EZR: variants seen among roughly 807,000 people sequenced by gnomAD.
EZR encodes ezrin.
Under a neutral mutation model 74.8 loss-of-function variants are expected in EZR, and 40 were observed. The observed-to-expected ratio is 0.53, with a 90% CI of 0.42 to 0.70. The LOEUF is 0.70. EZR is among the 30% of genes least tolerant of loss of function. The pLI is 0.00. For missense variants in EZR, 678 were observed against 755.8 expected (o/e 0.90, Z 1.21); for synonymous variants, 341 against 283.3 (o/e 1.20, Z -2.05).
At chr6:158,788,300 T>C (rs34826395) in intron 3 of EZR, 48 of 152,340 alleles carry the variant, frequency 3.2e-4, no homozygotes, top group African/African-American at 1.2e-3. Context: ...GTTTATTAAA[T>C]GCCCAGGACT....
At chr6:158,792,903 C>G (rs567320225) in intron 2 of EZR, among the ~76,000 whole-genome samples, 24 of 152,126 alleles carry the variant, frequency 1.6e-4, no homozygotes, top group African/African-American at 5.8e-4. Flanking sequence ...TGAGCACCAG[C>G]AGCTCCAACA....
intron 2 of EZR, among the ~76,000 whole-genome samples, chr6:158,793,689 G>T (rs1791801366): frequency 6.6e-6 from 1 of 152,076 alleles, no homozygotes; most frequent in Admixed American, 6.5e-5. Flanking sequence ...AGTGTCCCCA[G>T]TCACTGGAAC....
At chr6:158,772,166 C>T (rs1459974386) in intron 8 of EZR, among the ~76,000 whole-genome samples, 1 of 152,268 alleles carries the variant, frequency 6.6e-6, no homozygotes, top group Non-Finnish European at 1.5e-5. Flanking sequence ...TGACTCCTTT[C>T]AGCATCTCAC....
chr6:158,767,021 T>C lies in EZR; in HGVS notation c.1654A>G (p.Ile552Val), dbSNP rs996191299. The change falls in exon 14 of 14, where the codon ATC becomes GTC. Residue 552 changes from isoleucine (I) to valine (V), a missense_variant. Physicochemically the swap from Ile to Val is conservative, Grantham distance 29. Around this residue, in one of 3 missense-constraint regions of EZR, gnomAD observed 342 missense variants for 341.2 expected, o/e 1.00. Transcript: ENST00000367075. ...RDENKRTHND[I>V]IHNENMRQGR... ...TGCCTCATGTTCTCGTTGTGGATGA[T>C]GTCATTGTGGGTCCTCTTATTCTCA... 7 of 1,614,192 alleles carry C rather than the reference T, an allele frequency of 4.3e-6. No individual in the cohort carries two copies. Among genetic ancestry groups the C allele is most frequent in the Admixed American group, 3.3e-5 (2 of 60,030 alleles).
In EZR at chr6:158,767,002, A is replaced by G. The variant is rs753339294; in HGVS notation, c.1673T>C (p.Met558Thr). Reference protein sequence around the residue: ...THNDIIHNENMRQGRDKYKTL... With the variant: ...THNDIIHNENTRQGRDKYKTL... Reference sequence around the variant, plus strand: ...CTTGTACTTGTCCCGGCCTTGCCTCATGTTCTCGTTGTGGATGATGTCATT... The same window carrying G: ...CTTGTACTTGTCCCGGCCTTGCCTCGTGTTCTCGTTGTGGATGATGTCATT... Residue 558 changes from methionine to threonine, a missense_variant, in exon 14 of 14, where the codon ATG becomes ACG. Coordinates refer to ENST00000367075, the MANE Select transcript of EZR (RefSeq NM_001111077.2). 3.7e-6 allele frequency: 6 copies of G among 1,613,822 alleles called. No individual in the cohort carries two copies. The East Asian group carries it at 6.7e-5, about 18-fold the overall frequency.
At chr6:158,791,705 C>CTT (rs1562499412) in intron 2 of EZR, among the ~76,000 whole-genome samples, 1 of 62,602 alleles carries the variant, frequency 1.6e-5, no homozygotes, top group Admixed American at 1.2e-4. Context: ...TTTCAGACTC[C>CTT]ATTTTTTTTT....
At chr6:158,781,342 C>T (rs1416701019) in intron 7 of EZR, among the ~76,000 whole-genome samples, 1 of 152,156 alleles carries the variant, frequency 6.6e-6, no homozygotes, top group Non-Finnish European at 1.5e-5. Flanking sequence ...TGAGCCTGCC[C>T]AACACCCCAG....
chr6:158,811,729 A>C lies in EZR; in HGVS notation c.12+6353T>G, dbSNP rs1266412337. The stretch of plus-strand genomic sequence containing the variant: ...AAATAAAAAATTAGCTGGGTGTGGT[A>C]GTGTGTGCCTGTGGTCCCAGTTACC... On this transcript the variant is annotated intron_variant, in intron 2 of 13. Transcript: ENST00000367075. 4.6e-5 allele frequency among the ~76,000 whole-genome samples: 7 copies of C among 152,148 alleles called. No individual in the cohort carries two copies. In the East Asian group the frequency reaches 1.4e-3, roughly 29 times the overall value.
At chr6:158,767,185 C>T (rs1283628391) in intron 13 of EZR, 76 bp downstream of exon 13, 2 of 1,580,634 alleles carry the variant, frequency 1.3e-6, no homozygotes, top group Non-Finnish European at 1.7e-6. Context: ...GGCTGGCTCA[C>T]ATCACTGCCC....
At chr6:158,783,097 T>C (rs1791475280) in intron 7 of EZR, among the ~76,000 whole-genome samples, 1 of 152,156 alleles carries the variant, frequency 6.6e-6, no homozygotes, top group Non-Finnish European at 1.5e-5. Context: ...TTTACAGCTT[T>C]TCAAGTCTCT....
rs371154803 is a variant in EZR at position 158,767,422 on chromosome 6, C to T, written c.1435G>A (p.Glu479Lys). 67 of 1,609,506 alleles carry T rather than the reference C, an allele frequency of 4.2e-5. No individual in the cohort carries two copies. Among genetic ancestry groups the T allele is most frequent in the East Asian group, 3.6e-4 (16 of 44,750 alleles). ...TCCTGGACATGGTAGCTCACCGGCT[C>T]GTACACGGGGGGTGGTGGGGGCGGG... is the stretch of plus-strand genomic sequence containing the variant. Reference protein sequence around the residue: ...APPPPPPPVYEPVSYHVQESL... With the variant: ...APPPPPPPVYKPVSYHVQESL... The change falls in exon 13 of 14, where the codon GAG becomes AAG. Residue 479 changes from glutamate (E) to lysine (K), a missense_variant. Physicochemically the swap from Glu to Lys is moderately conservative, Grantham distance 56. Around this residue, in one of 3 missense-constraint regions of EZR, gnomAD observed 342 missense variants for 341.2 expected, o/e 1.00. Transcript: ENST00000367075.
intron 12 of EZR, among the ~76,000 whole-genome samples, chr6:158,768,948 A>G (rs1791006783): frequency 6.6e-6 from 1 of 152,178 alleles, no homozygotes; most frequent in African/African-American, 2.4e-5. Flanking sequence ...TGTTTCAGGC[A>G]CTGCGACCCC....
At chr6:158,818,059 G>C (rs780835190) in intron 2 of EZR, 23 bp downstream of exon 2, 1 of 1,606,958 alleles carries the variant, frequency 6.2e-7, no homozygotes, top group South Asian at 1.1e-5. Context: ...CCGTCCGCCC[G>C]GCCCAGAAAC....
intron 2 of EZR, among the ~76,000 whole-genome samples, chr6:158,794,153 C>T (rs1777006401): frequency 6.6e-6 from 1 of 152,122 alleles, no homozygotes. Context: ...ACCACGTGCC[C>T]ATACATAGTC....
chr6:158,809,092 A>G (rs1471457580), intron 2 of EZR, among the ~76,000 whole-genome samples: 5 of 152,260 alleles, frequency 3.3e-5, no homozygotes, highest in African/African-American at 1.2e-4. Context: ...GCAAGACCGC[A>G]TCTCAAAAAC....
intron 2 of EZR, among the ~76,000 whole-genome samples, chr6:158,807,698 T>C (rs1326832062): frequency 6.6e-6 from 1 of 152,060 alleles, no homozygotes; most frequent in Non-Finnish European, 1.5e-5. Flanking sequence ...TAGGTGAAAA[T>C]TTACAGTAGC....
At chr6:158,804,992 CTA>C (rs1355556639) in intron 2 of EZR, among the ~76,000 whole-genome samples, 2 of 147,632 alleles carry the variant, frequency 1.4e-5, no homozygotes, top group African/African-American at 5.0e-5. Context: ...CAATTCCCAC[CTA>C]TGAGTGAGAA....
chr6:158,785,665 T>C (rs1791561062), intron 4 of EZR, 82 bp from the exon 5 acceptor site: 1 of 1,525,142 alleles, frequency 6.6e-7, no homozygotes, highest in African/African-American at 1.4e-5. Context: ...TAACCAAGAC[T>C]CAATGGGGCC....
In EZR at chr6:158,771,306, G is replaced by T; in HGVS notation, c.897C>A (p.Thr299=). The change falls in exon 9 of 14, where the codon ACC becomes ACA. Residue 299 remains threonine (T), a synonymous_variant. Transcript: ENST00000367075. ...ELYMRRRKPD[T]IEVQQMKAQA... ...GGGCCTTCATCTGCTGCACCTCGAT[G>T]GTGTCAGGCTTCCTGCGGCGCATAT... The T allele has an allele frequency of 6.2e-7, 1 of 1,614,154 alleles. No individual in the cohort carries two copies. The highest frequency in any genetic ancestry group is 1.1e-5 in the South Asian group (1 of 91,082).
Sources: gnomAD v4.1 joint callset for allele counts (sites outside exome capture counted in the v4.1 genomes callset) on GRCh38, gnomAD v4.1.1 for gene constraint, gnomAD v4.1.1 regional missense constraint, MANE v1.5 for transcripts, NCBI Gene and HGNC (gene_info 2026-07-23, HGNC 2026-07-21) for gene names.